The following HAUS1 variants were observed in gnomAD, a reference collection of about 807,000 sequenced individuals.
HAUS1 encodes the protein HAUS augmin-like complex subunit 1.
Under a neutral mutation model 38.6 loss-of-function variants are expected in HAUS1, and 25 were observed. The ratio of observed to expected loss-of-function variants is 0.65; its 90% confidence interval spans 0.47 to 0.91. The LOEUF (loss-of-function observed/expected upper bound fraction) is 0.91, where lower values mean the gene tolerates loss of function less well. Ranked by LOEUF, HAUS1 falls within the 40% of genes least tolerant of loss-of-function variation. HAUS1 has a pLI of 0.00. For synonymous variants in HAUS1, 109 were observed against 112.9 expected (o/e 0.97, Z 0.22); for missense variants, 325 against 328.4 (o/e 0.99, Z 0.08).
chr18:46,115,383 T>C (rs1238281069), intron 2 of HAUS1, among the ~76,000 whole-genome samples: 92 of 148,502 alleles, frequency 6.2e-4, no homozygotes, highest in Admixed American at 1.7e-3. Context: ...CACTTAAACC[T>C]GGGAGGCAGA....
At chr18:46,115,304 C>G (rs1223230398) in intron 2 of HAUS1, 11 of 152,052 alleles carry the variant, frequency 7.2e-5, no homozygotes, top group Admixed American at 7.2e-4. Flanking sequence ...ACTAAAAATG[C>G]AAAAATTAGC....
chr18:46,122,413 A>G lies in HAUS1; in HGVS notation c.477-54A>G, dbSNP rs186138192. ...AAAGTAGTAGAGTTTCTATTGTACA[A>G]TACTTTTACTGAGAAGAAGAAGAAG... On this transcript the variant is annotated intron_variant, in intron 4 of 8. Coordinates refer to ENST00000282058, the MANE Select transcript of HAUS1 (RefSeq NM_138443.4). 4.5e-4 allele frequency: 711 copies of G among 1,575,402 alleles called. 5 individuals are homozygous for G. Among genetic ancestry groups the G allele is most frequent in the Non-Finnish European group, 1.7e-5 (20 of 1,147,560 alleles).
intron 2 of HAUS1, among the ~76,000 whole-genome samples, chr18:46,112,258 A>C (rs1370542774): frequency 3.5e-5 from 5 of 141,062 alleles, no homozygotes; most frequent in African/African-American, 1.3e-4. Flanking sequence ...TAATGTGTAT[A>C]TATATTCCAT....
rs752378831 is a variant in HAUS1 at position 46,128,074 on chromosome 18, G to A, written c.787-1G>A. The A allele has an allele frequency of 3.8e-6, 6 of 1,567,518 alleles. No individual in the cohort carries two copies. Among genetic ancestry groups the A allele is most frequent in the Admixed American group, 3.9e-5 (2 of 51,532 alleles). On this transcript the variant is annotated splice_acceptor_variant, in intron 8 of 8. Coordinates refer to ENST00000282058, the MANE Select transcript of HAUS1 (RefSeq NM_138443.4). LOFTEE classifies it high-confidence loss of function. ...TCTATGGTATGTCTTTCTTCCTGTAGGATAGCATTGAAGCTGAACTTACAA... is the reference window on the plus strand; with the variant it reads ...TCTATGGTATGTCTTTCTTCCTGTAAGATAGCATTGAAGCTGAACTTACAA...
chr18:46,116,306 A>G (rs535538138), intron 2 of HAUS1, among the ~76,000 whole-genome samples: 20 of 152,256 alleles, frequency 1.3e-4, no homozygotes, highest in Admixed American at 3.3e-4. Context: ...TCACACCTGT[A>G]ATCCCACCAC....
chr18:46,124,743 GT>G (rs1912050220), intron 6 of HAUS1, 78 bp from the exon 7 acceptor site: 1 of 755,410 alleles, frequency 1.3e-6, no homozygotes, highest in African/African-American at 1.8e-5. Flanking sequence ...GCTTTGTTGT[GT>G]TTTATTTCAG....
chr18:46,109,543 G>C (rs575600691), intron 2 of HAUS1: 2 of 152,060 alleles, frequency 1.3e-5, no homozygotes, highest in African/African-American at 2.4e-5. Flanking sequence ...GCATAAAGCT[G>C]TTCTCTCCTG....
intron 2 of HAUS1, among the ~76,000 whole-genome samples, chr18:46,117,972 T>A (rs1267591482): frequency 6.6e-6 from 1 of 151,658 alleles, no homozygotes. Context: ...AAAAATAAAG[T>A]GATGACTAAG....
intron 2 of HAUS1, among the ~76,000 whole-genome samples, chr18:46,108,444 A>C (rs141455006): frequency 6.6e-6 from 1 of 151,666 alleles, no homozygotes; most frequent in East Asian, 1.9e-4. Context: ...GGCCCACTCT[A>C]ATTTTTATTA....
rs142850678 is a variant in HAUS1, at chr18:46,123,236, T to C, written c.601-63T>C. 6.1e-4 allele frequency: 691 copies of C among 1,124,208 alleles called. 7 individuals are homozygous for C. In the East Asian group the frequency reaches 0.013, roughly 22 times the overall value. 69.6% of individuals were successfully genotyped at this position (1,124,208 alleles called of 1,614,324 possible). A position where few individuals can be genotyped will look rare whatever the true frequency, so the allele number is the denominator to read the frequency against. ...AAAAAAAAAAGAAGAAAAAGAAAAA[T>C]ATTTGATGGTGGTCACTTTTCAAAT... On this transcript the variant is annotated intron_variant, in intron 5 of 8. Transcript: ENST00000282058.
Position 46,123,288 on chromosome 18 carries a change from G to A in HAUS1, c.601-11G>A. On this transcript the variant is annotated splice_polypyrimidine_tract_variant and intron_variant, in intron 5 of 8. Coordinates refer to ENST00000282058, the MANE Select transcript of HAUS1 (RefSeq NM_138443.4). The stretch of plus-strand genomic sequence containing the variant: ...ATTTTTTAACTGAACTCCTTTTTTT[G>A]GTAATTGTAGGAGCAACTTTCAGCC... 1 of 1,584,656 alleles carries A rather than the reference G, an allele frequency of 6.3e-7. No homozygotes were observed.
intron 1 of HAUS1, 50 bp from the exon 2 acceptor site, chr18:46,105,144 C>T: frequency 7.3e-7 from 1 of 1,361,338 alleles, no homozygotes; most frequent in South Asian, 1.3e-5. Flanking sequence ...TCTCATCGAG[C>T]CATTACAGTA....
intron 1 of HAUS1, 56 bp downstream of exon 1, chr18:46,104,497 C>G (rs1485708006): frequency 2.9e-6 from 4 of 1,387,044 alleles, no homozygotes; most frequent in Non-Finnish European, 2.9e-6. Flanking sequence ...TTTTGACACC[C>G]CCGCGCCGAC....
At chr18:46,121,422 T>A (rs181924281) in intron 4 of HAUS1, among the ~76,000 whole-genome samples, 39 of 152,040 alleles carry the variant, frequency 2.6e-4, no homozygotes, top group African/African-American at 9.1e-4. Flanking sequence ...GAACTTCATG[T>A]CACATTTAGT....
intron 4 of HAUS1, 55 bp from the exon 5 acceptor site, chr18:46,122,412 A>C: frequency 6.4e-7 from 1 of 1,574,746 alleles, no homozygotes; most frequent in East Asian, 2.2e-5. Context: ...TCTATTGTAC[A>C]ATACTTTTAC....
chr18:46,113,933 C>T (rs1342945658), intron 2 of HAUS1, among the ~76,000 whole-genome samples: 2 of 152,166 alleles, frequency 1.3e-5, no homozygotes, highest in Non-Finnish European at 2.9e-5. Flanking sequence ...TGAGTATCTC[C>T]AAGGTCACTC....
At chr18:46,111,020 G>T (rs1911619290) in intron 2 of HAUS1, among the ~76,000 whole-genome samples, 1 of 151,684 alleles carries the variant, frequency 6.6e-6, no homozygotes, top group Admixed American at 6.6e-5. Context: ...GGGACTACAG[G>T]CATGGGCCAC....
intron 6 of HAUS1, among the ~76,000 whole-genome samples, chr18:46,124,271 A>G (rs995623827): frequency 5.9e-5 from 9 of 151,976 alleles, no homozygotes; most frequent in African/African-American, 1.9e-4. Context: ...TTAGCCAGGC[A>G]TGGTGGCACA....
At chr18:46,125,720 T>G in intron 7 of HAUS1, 24 bp from the exon 8 acceptor site, 1 of 1,548,724 alleles carries the variant, frequency 6.5e-7, no homozygotes, top group East Asian at 2.2e-5. Flanking sequence ...ATATAACCTT[T>G]CCTTGTTTTA....
Sources: allele counts gnomAD v4.1 joint callset (sites outside exome capture counted in the v4.1 genomes callset), GRCh38; gene constraint gnomAD v4.1.1; transcripts MANE v1.5; gene names NCBI Gene and HGNC (gene_info 2026-07-23, HGNC 2026-07-21).